RYR2: variants seen among roughly 807,000 people sequenced by gnomAD.
RYR2 encodes the protein ryanodine receptor 2, also known as cardiac muscle ryanodine receptor-calcium release channel.
A neutral mutation model predicts 601.1 loss-of-function variants in RYR2; 227 were observed. The observed-to-expected ratio is 0.38, with a 90% CI of 0.34 to 0.42. RYR2 has a LOEUF of 0.42. Ranked by LOEUF, RYR2 falls within the 10% of genes least tolerant of loss-of-function variation. The pLI is 1.00. For synonymous variants in RYR2, 2,223 were observed against 2,175.1 expected, an observed-to-expected ratio of 1.02 and a Z score of -0.61; for missense variants, 4,646 against 6,156.5, an observed-to-expected ratio of 0.75 and a Z score of 8.21.
chr1:237,126,290 G>C (rs1032570696), intron 1 of RYR2, among the ~76,000 whole-genome samples: 2 of 152,012 alleles, frequency 1.3e-5, no homozygotes, highest in Non-Finnish European at 2.9e-5. Flanking sequence ...TGGCCATGGA[G>C]GTGTGCCACT....
In RYR2 at chr1:237,727,163, C is replaced by T; in HGVS notation, c.10802C>T (p.Ala3601Val). 6.3e-7 allele frequency: 1 copy of T among 1,586,936 alleles called. No individual in the cohort carries two copies. Among genetic ancestry groups the T allele is most frequent in the Non-Finnish European group, 8.6e-7 (1 of 1,164,920 alleles). ...AAGCAGAGGAAAAGGGCTGTTGTAGCCTGCTTCCGGATGGCCCCCTTATAT... is the reference window on the plus strand; with the variant it reads ...AAGCAGAGGAAAAGGGCTGTTGTAGTCTGCTTCCGGATGGCCCCCTTATAT... ...LSKQRKRAVV[A>V]CFRMAPLYNL... Residue 3601 changes from alanine to valine, a missense_variant, in exon 76 of 105, where the codon GCC becomes GTC. By Grantham distance (64) the Ala-to-Val change is moderately conservative (BLOSUM62 0). Coordinates refer to ENST00000366574, the MANE Select transcript of RYR2 (RefSeq NM_001035.3).
chr1:237,162,504 C>A (rs1272601328), intron 1 of RYR2, among the ~76,000 whole-genome samples: 1 of 151,900 alleles, frequency 6.6e-6, no homozygotes, highest in Non-Finnish European at 1.5e-5. Flanking sequence ...TCAACAACAA[C>A]AAAAAATTGG....
At chr1:237,137,018 A>G (rs1448896192) in intron 1 of RYR2, among the ~76,000 whole-genome samples, 1 of 140,486 alleles carries the variant, frequency 7.1e-6, no homozygotes, top group Non-Finnish European at 1.5e-5. Context: ...CTCCATCTCA[A>G]AAAAAAAAAA....
chr1:237,411,950 T>C (rs925499182), intron 10 of RYR2, among the ~76,000 whole-genome samples: 1 of 152,186 alleles, frequency 6.6e-6, no homozygotes, highest in African/African-American at 2.4e-5. Flanking sequence ...TATTTTATGA[T>C]TCTGTACTAA....
chr1:237,059,009 G>A (rs755995606), intron 1 of RYR2, among the ~76,000 whole-genome samples: 5 of 151,974 alleles, frequency 3.3e-5, no homozygotes, highest in Non-Finnish European at 7.4e-5. Flanking sequence ...GAGAAATCTG[G>A]CATACATTAC....
At chr1:237,156,104 GCT>G (rs1675302337) in intron 1 of RYR2, among the ~76,000 whole-genome samples, 1 of 152,268 alleles carries the variant, frequency 6.6e-6, no homozygotes, top group East Asian at 1.9e-4. Context: ...CGTGGCTTGG[GCT>G]CTGTGTTCTC....
At chr1:237,325,414 G>T (rs1167576452) in intron 2 of RYR2, among the ~76,000 whole-genome samples, 2 of 152,132 alleles carry the variant, frequency 1.3e-5, no homozygotes, top group Non-Finnish European at 2.9e-5. Context: ...CTGCAAATAG[G>T]CCAGGCGTGG....
At chr1:237,349,736 G>A (rs1205836925) in intron 3 of RYR2, among the ~76,000 whole-genome samples, 1 of 152,136 alleles carries the variant, frequency 6.6e-6, no homozygotes, top group African/African-American at 2.4e-5. Flanking sequence ...TGTCATGGAT[G>A]CCCATGCAAC....
chr1:237,387,180 C>T, intron 8 of RYR2, 101 bp from the exon 9 acceptor site: 3 of 1,015,812 alleles, frequency 3.0e-6, no homozygotes, highest in Admixed American at 3.4e-5. Flanking sequence ...TCTCTATGAA[C>T]ATAACCAAAT....
chr1:237,506,567 T>G (rs1572639340), intron 22 of RYR2, 143 bp from the exon 23 acceptor site: 2 of 523,216 alleles, frequency 3.8e-6, no homozygotes, highest in East Asian at 3.3e-5. Context: ...AAGAATGTCG[T>G]GAAATAGATG....
chr1:237,219,333 T>A (rs1307109598), intron 1 of RYR2, among the ~76,000 whole-genome samples: 4 of 152,170 alleles, frequency 2.6e-5, no homozygotes, highest in Non-Finnish European at 5.9e-5. Flanking sequence ...TTTATGTTAA[T>A]CCGTCCATTC....
intron 3 of RYR2, among the ~76,000 whole-genome samples, chr1:237,348,834 A>G (rs950934559): frequency 2.0e-5 from 3 of 152,222 alleles, no homozygotes; most frequent in African/African-American, 7.2e-5. Context: ...AAAAAAATCA[A>G]ATGGAAATTC....
intron 2 of RYR2, among the ~76,000 whole-genome samples, chr1:237,308,646 G>A (rs1014303746): frequency 2.6e-5 from 4 of 152,120 alleles, no homozygotes; most frequent in South Asian, 2.1e-4. Context: ...TCCTGGTCTT[G>A]CTGGCCTCAT....
intron 1 of RYR2, among the ~76,000 whole-genome samples, chr1:237,243,129 T>A (rs1686385894): frequency 1.3e-5 from 2 of 151,392 alleles, no homozygotes; most frequent in South Asian, 4.2e-4. Context: ...CACAGGAGAC[T>A]TCTGTGACCG....
At chr1:237,250,092 T>C (rs1687295638) in intron 1 of RYR2, among the ~76,000 whole-genome samples, 1 of 152,242 alleles carries the variant, frequency 6.6e-6, no homozygotes, top group Non-Finnish European at 1.5e-5. Context: ...TGGGATGGAC[T>C]AATCTGTGTG....
rs184951062 is a variant in RYR2 at position 237,204,013 on chromosome 1, G to A, written c.49-66484G>A. On this transcript the variant is annotated intron_variant, in intron 1 of 104. Transcript: ENST00000366574. ...TTTCTGAGAACCCATTCATGTCATTGTTTTGTTTTGTTTTTGAGATGGAGT... is the reference window on the plus strand; with the variant it reads ...TTTCTGAGAACCCATTCATGTCATTATTTTGTTTTGTTTTTGAGATGGAGT... 2.9e-3 allele frequency among the ~76,000 whole-genome samples: 434 copies of A among 152,170 alleles called. 1 individual carries two copies. The highest frequency in any genetic ancestry group is 4.1e-3 in the Non-Finnish European group (276 of 67,986).
chr1:237,466,511 A>G (rs998800984), intron 16 of RYR2, among the ~76,000 whole-genome samples: 1 of 151,868 alleles, frequency 6.6e-6, no homozygotes, highest in African/African-American at 2.4e-5. Flanking sequence ...TTTCTTTTTG[A>G]TTAAAGTAGT....
intron 6 of RYR2, among the ~76,000 whole-genome samples, chr1:237,373,121 T>C (rs2149774616): frequency 6.6e-6 from 1 of 152,344 alleles, no homozygotes; most frequent in Middle Eastern, 3.4e-3. Flanking sequence ...GTTACCTTTT[T>C]AAAAAATAAA....
chr1:237,214,363 C>T (rs1012698938), intron 1 of RYR2, among the ~76,000 whole-genome samples: 5 of 152,136 alleles, frequency 3.3e-5, no homozygotes, highest in African/African-American at 9.7e-5. Context: ...GTTCTGTAGG[C>T]TGTACAAGGG....
Sources: gnomAD v4.1 joint callset for allele counts (sites outside exome capture counted in the v4.1 genomes callset) on GRCh38, gnomAD v4.1.1 for gene constraint, MANE v1.5 for transcripts, NCBI Gene and HGNC (gene_info 2026-07-23, HGNC 2026-07-21) for gene names.